The following BBOF1 variants were observed in gnomAD, a reference collection of about 807,000 sequenced individuals.
BBOF1 encodes the protein basal body-orientation factor 1.
BBOF1 carries 62 observed loss-of-function variants against 68.0 expected under a neutral mutation model. The ratio of observed to expected loss-of-function variants is 0.91; its 90% CI spans 0.74 to 1.13. The LOEUF is 1.13. Among genes scored for constraint, BBOF1 ranks in the 50% most tolerant of loss-of-function variants. The pLI is 0.00. For synonymous variants in BBOF1, 208 were observed against 198.8 expected (o/e 1.05, Z -0.39); for missense variants, 534 against 600.1 (o/e 0.89, Z 1.15).
Position 74,057,619 on chromosome 14 carries a change from C to T in BBOF1, c.1578+361C>T, listed in dbSNP as rs547121281. The T allele has an allele frequency of 1.6e-5, 22 of 1,338,766 alleles. No homozygotes were observed. The South Asian group carries it at 2.3e-4, about 14-fold the overall frequency. 82.9% of individuals were successfully genotyped at this position (1,338,766 alleles called of 1,614,324 possible). On this transcript the variant is annotated intron_variant, in intron 11 of 11. Coordinates refer to ENST00000394009, the MANE Select transcript of BBOF1 (RefSeq NM_025057.3). ...GTCAGAGTCATTACAACCTAGAGGA[C>T]AAAGGCTTATAAGGAGATATGAAAT...
At chr14:74,038,269 A>T (rs1241787939) in intron 4 of BBOF1, among the ~76,000 whole-genome samples, 3 of 152,236 alleles carry the variant, frequency 2.0e-5, no homozygotes, top group Admixed American at 6.5e-5. Flanking sequence ...AATACAAGTT[A>T]TGTTTTATAT....
Position 74,028,744 on chromosome 14 carries a change from T to C in BBOF1, c.286-440T>C, listed in dbSNP as rs146921932. Among the ~76,000 whole-genome samples the C allele has an allele frequency of 4.7e-3, 719 of 151,752 alleles. 3 individuals carry two copies. The highest frequency in any genetic ancestry group is 0.015 in the African/African-American group (609 of 41,372). On this transcript the variant is annotated intron_variant, in intron 2 of 11. Coordinates refer to ENST00000394009, the MANE Select transcript of BBOF1 (RefSeq NM_025057.3). The stretch of plus-strand genomic sequence containing the variant: ...TTTTTTTTTAGACAGAGTCTTGCTC[T>C]GTCACCCGGGCTGGAGTGCAATGAC...
At chr14:74,038,161 T>C (rs1490305491) in intron 4 of BBOF1, among the ~76,000 whole-genome samples, 1 of 152,328 alleles carries the variant, frequency 6.6e-6, no homozygotes, top group Non-Finnish European at 1.5e-5. Context: ...TTTGTATTCA[T>C]TGAAATACAA....
chr14:74,077,201 G>A (rs974471908), intron 9 of BBOF1, among the ~76,000 whole-genome samples: 1 of 152,136 alleles, frequency 6.6e-6, no homozygotes, highest in Non-Finnish European at 1.5e-5. Flanking sequence ...GTAGGTAGTA[G>A]GTGTTCAGTA....
At chr14:74,067,015 A>C, downstream of BBOF1, 1 of 892,572 alleles carries the variant, frequency 1.1e-6, no homozygotes, top group Non-Finnish European at 1.8e-6. Context: ...CAGGAGTTCC[A>C]GACCAGCCTG....
At chr14:74,041,914 G>A (rs982204032) in intron 5 of BBOF1, among the ~76,000 whole-genome samples, 2 of 152,194 alleles carry the variant, frequency 1.3e-5, no homozygotes, top group Admixed American at 6.5e-5. Context: ...GTGTGCACCT[G>A]TAATCCCAGC....
rs1010453060 is a variant in BBOF1 at position 74,033,145 on chromosome 14, G to T, written c.352-883G>T. ...GGGTTATGTCAGAGATAAAAGGTGT[G>T]TTAGGTCTTCTCATATCCCTTTTTA... is the stretch of plus-strand genomic sequence containing the variant. On this transcript the variant is annotated intron_variant, in intron 3 of 11. Transcript: ENST00000394009. 2.6e-5 allele frequency among the ~76,000 whole-genome samples: 4 copies of T among 152,144 alleles called. No homozygotes were observed. In the South Asian group the frequency reaches 8.3e-4, roughly 31 times the overall value.
intron 4 of BBOF1, among the ~76,000 whole-genome samples, chr14:74,036,720 C>G (rs891369357): frequency 5.3e-5 from 8 of 150,346 alleles, no homozygotes; most frequent in African/African-American, 2.0e-4. Flanking sequence ...TAGTGTTCCT[C>G]CACTGTAAAC....
chr14:74,023,616 A>G (rs2059352729), intron 2 of BBOF1, among the ~76,000 whole-genome samples: 1 of 152,072 alleles, frequency 6.6e-6, no homozygotes, highest in South Asian at 2.1e-4. Flanking sequence ...ATCATTTTAT[A>G]TTTGGAAGAA....
At chr14:74,024,925 AT>A (rs1213905334) in intron 2 of BBOF1, among the ~76,000 whole-genome samples, 4 of 151,600 alleles carry the variant, frequency 2.6e-5, no homozygotes, top group Non-Finnish European at 4.4e-5. Context: ...TCTTTATTTT[AT>A]TTTATTTTTT....
chr14:74,054,139 G>C (rs541634070), intron 8 of BBOF1, among the ~76,000 whole-genome samples: 1 of 151,966 alleles, frequency 6.6e-6, no homozygotes, highest in East Asian at 1.9e-4. Flanking sequence ...TCCTCCCAAA[G>C]TGCTAGTATT....
chr14:74,051,961 G>T (rs2060077070), intron 8 of BBOF1, among the ~76,000 whole-genome samples: 2 of 151,698 alleles, frequency 1.3e-5, no homozygotes, highest in African/African-American at 4.9e-5. Context: ...TTATATGGCT[G>T]TTGAGAAGGT....
chr14:74,023,143 T>TGGTA lies in BBOF1; in HGVS notation c.285+9_285+12dup. 1 of 1,563,286 alleles carries TGGTA rather than the reference T, an allele frequency of 6.4e-7. No homozygotes were observed. The highest frequency in any genetic ancestry group is 8.7e-7 in the Non-Finnish European group (1 of 1,149,974). ...AAGCAGGATCAGGAGAAAGATAATA[T>TGGTA]GGTAGGTAGGTAGAAAGCCTCCTTG... On this transcript the variant is annotated frameshift_variant and splice_region_variant, in exon 2 of 12. Transcript: ENST00000394009. LOFTEE classifies it high-confidence loss of function.
At chr14:74,052,967 GGCTGCAGTGAGCC>G (rs370800924) in intron 8 of BBOF1, among the ~76,000 whole-genome samples, 1 of 150,380 alleles carries the variant, frequency 6.6e-6, no homozygotes, top group Non-Finnish European at 1.5e-5. Flanking sequence ...AGTGAGCCAT[GGCTGCAGTGAGCC>G]ATGATGATGC....
chr14:74,051,745 A>G lies in BBOF1; in HGVS notation c.1286+1550A>G, dbSNP rs1049926394. 1.3e-4 allele frequency among the ~76,000 whole-genome samples: 20 copies of G among 151,600 alleles called. 2 individuals carry two copies. Among genetic ancestry groups the G allele is most frequent in the African/African-American group, 4.9e-4 (20 of 40,926 alleles). On this transcript the variant is annotated intron_variant, in intron 8 of 11. Coordinates refer to ENST00000394009, the MANE Select transcript of BBOF1 (RefSeq NM_025057.3). ...TGAAAGAAAATTATTTTATATTCCA[A>G]TGCAATTAGATTCTTCAAAGGCCCT...
intron 8 of BBOF1, among the ~76,000 whole-genome samples, chr14:74,051,287 C>T (rs1041345809): frequency 2.0e-5 from 3 of 151,230 alleles, no homozygotes; most frequent in East Asian, 1.9e-4. Flanking sequence ...GGCGTGGTGG[C>T]GGGGGTCTGT....
intron 9 of BBOF1, chr14:74,074,904 A>G: frequency 6.4e-7 from 1 of 1,571,968 alleles, no homozygotes; most frequent in Non-Finnish European, 8.8e-7. Context: ...GATACCCAAA[A>G]CTATACTGAA....
At chr14:74,031,090 G>A (rs1215908855) in intron 3 of BBOF1, among the ~76,000 whole-genome samples, 1 of 151,230 alleles carries the variant, frequency 6.6e-6, no homozygotes, top group African/African-American at 2.4e-5. Context: ...ATAGCAGTAT[G>A]TAGAGACATT....
In BBOF1 at chr14:74,040,627, C is replaced by T; in HGVS notation, c.558C>T (p.Ser186=). ...IHQETLRRLE[S]RFFEEKHRLE... is the part of the protein sequence containing the mutation. ...AGGAGACTCTTAGAAGACTGGAAAGCAGATTTTTTGAAGAAAAGGTACAGA... is the reference window on the plus strand; with the variant it reads ...AGGAGACTCTTAGAAGACTGGAAAGTAGATTTTTTGAAGAAAAGGTACAGA... Residue 186 remains serine, a synonymous_variant, in exon 5 of 12, where the codon AGC becomes AGT. Transcript: ENST00000394009. 6.3e-7 allele frequency: 1 copy of T among 1,588,296 alleles called. No homozygotes were observed. The highest frequency in any genetic ancestry group is 1.2e-5 in the South Asian group (1 of 85,654).
Sources: allele counts gnomAD v4.1 joint callset (sites outside exome capture counted in the v4.1 genomes callset), GRCh38; gene constraint gnomAD v4.1.1; transcripts MANE v1.5; gene names NCBI Gene and HGNC (gene_info 2026-07-23, HGNC 2026-07-21).